The following FGF12 variants were observed in gnomAD, a reference collection of about 807,000 sequenced individuals.
FGF12 encodes the protein fibroblast growth factor 12.
In FGF12, 14 loss-of-function variants were observed where a neutral mutation model predicts 23.6. That is an observed-to-expected ratio of 0.59 (90% CI 0.39 to 0.93). The LOEUF (loss-of-function observed/expected upper bound fraction) is 0.93. FGF12 is among the 40% of genes least tolerant of loss of function. The probability of loss-of-function intolerance (pLI) is 0.00; values close to 1 mark genes in which losing one functional copy is unlikely to be tolerated. For synonymous variants in FGF12, 62 were observed against 77.3 expected (o/e 0.80, Z 1.04); for missense variants, 175 against 217.8 (o/e 0.80, Z 1.24).
At chr3:192,236,871 C>A (rs960130103) in intron 4 of FGF12, among the ~76,000 whole-genome samples, 7 of 152,022 alleles carry the variant, frequency 4.6e-5, no homozygotes, top group African/African-American at 1.7e-4. Flanking sequence ...TTGATCCTGT[C>A]CTCATGTTGT....
Position 192,488,730 on chromosome 3 carries a change from A to G in FGF12, c.14-128192T>C, listed in dbSNP as rs368146029. ...AGTCAACTGTCAGGAAACGGAATTT[A>G]TAGACTAACCTGATTCCTAAGACTT... On this transcript the variant is annotated intron_variant, in intron 2 of 5. Transcript: ENST00000445105. Among the ~76,000 whole-genome samples, 5 of 152,214 alleles carry G rather than the reference A, an allele frequency of 3.3e-5. No homozygotes were observed. In the South Asian group the frequency reaches 8.3e-4, roughly 25 times the overall value.
rs1452190925 is a variant in FGF12 at position 192,394,814 on chromosome 3, T to C, written c.14-34276A>G. Among the ~76,000 whole-genome samples, 3 of 152,206 alleles carry C rather than the reference T, an allele frequency of 2.0e-5. No individual in the cohort carries two copies. In the East Asian group the frequency reaches 5.8e-4, roughly 29 times the overall value. On this transcript the variant is annotated intron_variant, in intron 2 of 5. Transcript: ENST00000445105. Reference sequence around the variant, plus strand: ...CATACACAGAAGACTTATTTAATGCTGCTATCAATAACTTTAAAAGTAAGA... The same window carrying C: ...CATACACAGAAGACTTATTTAATGCCGCTATCAATAACTTTAAAAGTAAGA...
In FGF12 at chr3:192,434,349, A is replaced by G. The variant is rs1721952334; in HGVS notation, c.14-73811T>C. 2.6e-5 allele frequency among the ~76,000 whole-genome samples: 4 copies of G among 152,182 alleles called. No individual in the cohort carries two copies. The South Asian group carries it at 8.3e-4, about 32-fold the overall frequency. On this transcript the variant is annotated intron_variant, in intron 2 of 5. Transcript: ENST00000445105. ...CAGATCAAGCTCTTTGTGGAATAAG[A>G]AAAACAAGGCATGGAAAGGTTACAT...
chr3:192,373,103 T>A (rs1442753298), intron 2 of FGF12, among the ~76,000 whole-genome samples: 1 of 152,192 alleles, frequency 6.6e-6, no homozygotes, highest in Non-Finnish European at 1.5e-5. Flanking sequence ...ACACTGTTTT[T>A]TTTTTCACCT....
intron 4 of FGF12, among the ~76,000 whole-genome samples, chr3:192,252,568 G>A (rs1045994689): frequency 8.0e-5 from 12 of 150,070 alleles, no homozygotes; most frequent in Admixed American, 6.0e-4. Context: ...TACAGTGACC[G>A]AGGAAATAAA....
At chr3:192,171,152 G>C (rs1269814821) in intron 4 of FGF12, among the ~76,000 whole-genome samples, 1 of 152,096 alleles carries the variant, frequency 6.6e-6, no homozygotes, top group African/African-American at 2.4e-5. Flanking sequence ...TTTTCCTAAA[G>C]TCAGTAACTT....
At chr3:192,423,381 G>A (rs997172484) in intron 2 of FGF12, among the ~76,000 whole-genome samples, 2 of 152,102 alleles carry the variant, frequency 1.3e-5, no homozygotes, top group African/African-American at 4.8e-5. Context: ...CTAGAAGAGC[G>A]ACTTAACACA....
rs1438044293 is a variant in FGF12, at chr3:192,538,018, C to A, written c.14-177480G>T. On this transcript the variant is annotated intron_variant, in intron 2 of 5. Transcript: ENST00000445105. ...CTGGAGTGCAATGGTGCGATCTCGGCTCACTGCAACCTCCTACTCCCAGGT... is the reference window on the plus strand; with the variant it reads ...CTGGAGTGCAATGGTGCGATCTCGGATCACTGCAACCTCCTACTCCCAGGT... Among the ~76,000 whole-genome samples, 7 of 145,936 alleles carry A rather than the reference C, an allele frequency of 4.8e-5. No individual in the cohort carries two copies. In the East Asian group the frequency reaches 1.4e-3, roughly 30 times the overall value.
intron 2 of FGF12, among the ~76,000 whole-genome samples, chr3:192,455,386 AC>A (rs953987603): frequency 2.0e-5 from 3 of 152,272 alleles, no homozygotes; most frequent in South Asian, 2.1e-4. Context: ...AAGCCTTTGG[AC>A]CCAAATCTTA....
chr3:192,616,951 C>G (rs1302264655), intron 2 of FGF12, among the ~76,000 whole-genome samples: 1 of 151,902 alleles, frequency 6.6e-6, no homozygotes, highest in Admixed American at 6.6e-5. Context: ...TTGGGGGACA[C>G]AGGCATAAAA....
chr3:192,223,441 G>A (rs141793894), intron 4 of FGF12, among the ~76,000 whole-genome samples: 86 of 152,142 alleles, frequency 5.7e-4, no homozygotes, highest in African/African-American at 1.8e-3. Context: ...TGAATAAAGG[G>A]CAATTATTTC....
intron 2 of FGF12, among the ~76,000 whole-genome samples, chr3:192,716,843 G>C (rs1419718366): frequency 6.6e-6 from 1 of 152,222 alleles, no homozygotes; most frequent in Admixed American, 6.5e-5. Flanking sequence ...AAAGTTGTTA[G>C]TTGTGTGTTT....
chr3:192,567,785 CTTTCTT>C (rs1712395711), intron 2 of FGF12, among the ~76,000 whole-genome samples: 11 of 132,774 alleles, frequency 8.3e-5, no homozygotes, highest in African/African-American at 3.0e-4. Flanking sequence ...TTCTTTCTTT[CTTTCTT>C]TCTTTCTTTC....
intron 2 of FGF12, among the ~76,000 whole-genome samples, chr3:192,658,832 T>C (rs534213142): frequency 1.3e-5 from 2 of 152,116 alleles, no homozygotes; most frequent in East Asian, 3.9e-4. Flanking sequence ...TCTGGAAATT[T>C]TATAGGCTTT....
At chr3:192,557,557 C>G (rs1288676321) in intron 2 of FGF12, among the ~76,000 whole-genome samples, 1 of 151,864 alleles carries the variant, frequency 6.6e-6, no homozygotes, top group Non-Finnish European at 1.5e-5. Context: ...CACTTCAAAA[C>G]TAATTTTATG....
At chr3:192,306,006 G>A (rs540926980) in intron 4 of FGF12, among the ~76,000 whole-genome samples, 6 of 151,502 alleles carry the variant, frequency 4.0e-5, no homozygotes, top group Non-Finnish European at 8.8e-5. Flanking sequence ...GACTACAGGC[G>A]CCTGCCAACA....
intron 4 of FGF12, among the ~76,000 whole-genome samples, chr3:192,331,311 CAAAAAA>C (rs201997868): frequency 1.0e-5 from 1 of 95,976 alleles, no homozygotes; most frequent in African/African-American, 3.3e-5. Context: ...GGAGTTTTCT[CAAAAAA>C]AAAAAAAAAA....
chr3:192,504,241 A>G (rs573094826), intron 2 of FGF12, among the ~76,000 whole-genome samples: 1 of 152,228 alleles, frequency 6.6e-6, no homozygotes, highest in African/African-American at 2.4e-5. Context: ...ATTGGGTACT[A>G]TGCTTAGTAC....
chr3:192,489,756 C>T (rs899054941), intron 2 of FGF12, among the ~76,000 whole-genome samples: 1 of 151,868 alleles, frequency 6.6e-6, no homozygotes, highest in African/African-American at 2.4e-5. Flanking sequence ...GTATAAATGG[C>T]AACACACTAA....
Sources: allele counts gnomAD v4.1 joint callset (sites outside exome capture counted in the v4.1 genomes callset), GRCh38; gene constraint gnomAD v4.1.1; transcripts MANE v1.5; gene names NCBI Gene and HGNC (gene_info 2026-07-23, HGNC 2026-07-21).